The following CD36 variants were observed in gnomAD, a reference collection of about 807,000 sequenced individuals.
The protein encoded by CD36 is platelet glycoprotein 4.
Under a neutral mutation model 55.2 loss-of-function variants are expected in CD36, and 119 were observed. That is an observed-to-expected ratio of 2.15 (90% CI 1.86 to 2.51). The LOEUF (loss-of-function observed/expected upper bound fraction) is 2.51. CD36 is among the 30% of genes most tolerant of loss of function. CD36 has a pLI of 0.00. For synonymous variants in CD36, 186 were observed against 193.6 expected (o/e 0.96, Z 0.33); for missense variants, 819 against 555.5 (o/e 1.47, Z -4.77).
chr7:80,663,231 G>T, intron 6 of CD36, 62 bp downstream of exon 6: 1 of 1,351,766 alleles, frequency 7.4e-7, no homozygotes, highest in South Asian at 1.2e-5. Flanking sequence ...CAATGGCATT[G>T]GCAAGGCATA....
chr7:80,676,429 T>C lies in CD36; in HGVS notation c.*46T>C, dbSNP rs1178321654. 6.6e-6 allele frequency: 1 copy of C among 152,176 alleles called. No homozygotes were observed. The highest frequency in any genetic ancestry group is 1.5e-5 in the Non-Finnish European group (1 of 68,028). The allele number at this position is 152,176 out of a possible 1,614,324, so 9.4% of individuals were successfully genotyped here. A position where few individuals can be genotyped will look rare whatever the true frequency, so the allele number is the denominator to read the frequency against. On this transcript the variant is annotated 3_prime_UTR_variant, in exon 15 of 15. Coordinates refer to ENST00000447544, the MANE Select transcript of CD36 (RefSeq NM_001001548.3). Reference sequence around the variant, plus strand: ...AATTTGTGTTGTTCTGATTCAATAATTGGTTTCTGGGTGGCCAATTCAGAA... The same window carrying C: ...AATTTGTGTTGTTCTGATTCAATAACTGGTTTCTGGGTGGCCAATTCAGAA...
intron 14 of CD36, 179 bp downstream of exon 14, chr7:80,674,326 A>ATATC (rs1160692817): frequency 1.9e-5 from 11 of 565,178 alleles, no homozygotes; most frequent in Non-Finnish European, 3.1e-5. Context: ...TCACTAAAGT[A>ATATC]TATCTTTAAT....
intron 1 of CD36, among the ~76,000 whole-genome samples, chr7:80,640,710 G>A (rs1263446833): frequency 6.6e-6 from 1 of 151,962 alleles, no homozygotes. Context: ...GAACTTAAGG[G>A]AATAATTTCA....
intron 1 of CD36, among the ~76,000 whole-genome samples, chr7:80,604,253 A>T (rs1792406913): frequency 6.6e-6 from 1 of 151,668 alleles, no homozygotes; most frequent in Admixed American, 6.6e-5. Flanking sequence ...TTGCAAACAG[A>T]TATAAGTGTG....
At chr7:80,656,851 T>C in intron 4 of CD36, 151 bp downstream of exon 4, 1 of 693,740 alleles carries the variant, frequency 1.4e-6, no homozygotes, top group South Asian at 1.9e-5. Context: ...CTGTATAGAA[T>C]CCTAATCTAA....
chr7:80,669,953 A>ATTTTT lies in CD36; in HGVS notation c.750_751insTTTTT (p.Ala251PhefsTer37), dbSNP rs1312129322. On this transcript the variant is annotated frameshift_variant and splice_region_variant, in exon 9 of 15. Transcript: ENST00000447544. LOFTEE classifies it high-confidence loss of function. ...CATTTGCCACTCGATTTTTAAACAGATGCAGCCTCATTTCCACCTTTTGTT... is the reference window on the plus strand; with the variant it reads ...CATTTGCCACTCGATTTTTAAACAGATTTTTTGCAGCCTCATTTCCACCTTTTGTT... The ATTTTT allele has an allele frequency of 6.2e-6, 10 of 1,610,000 alleles. No individual in the cohort carries two copies. The African/African-American group carries it at 1.2e-4, about 19-fold the overall frequency.
At chr7:80,649,903 C>T (rs1562794984) in intron 3 of CD36, among the ~76,000 whole-genome samples, 1 of 151,792 alleles carries the variant, frequency 6.6e-6, no homozygotes, top group African/African-American at 2.4e-5. Flanking sequence ...GAGGCCAGAA[C>T]TCAAGGAAAG....
chr7:80,647,072 C>A, intron 3 of CD36: 1 of 502,786 alleles, frequency 2.0e-6, no homozygotes. Context: ...CCATTGCTGT[C>A]TTAAATATAA....
intron 1 of CD36, among the ~76,000 whole-genome samples, chr7:80,605,961 C>T (rs981398233): frequency 8.6e-5 from 13 of 152,026 alleles, no homozygotes; most frequent in African/African-American, 1.7e-4. Flanking sequence ...AGCATCTTGC[C>T]GGCATATAAA....
At chr7:80,661,796 A>C (rs1796551541) in intron 5 of CD36, among the ~76,000 whole-genome samples, 1 of 152,220 alleles carries the variant, frequency 6.6e-6, no homozygotes, top group African/African-American at 2.4e-5. Context: ...AATTTAAGGG[A>C]AAATAAAGTC....
chr7:80,673,877 G>A (rs1170963707), intron 13 of CD36, 106 bp from the exon 14 acceptor site: 1 of 822,320 alleles, frequency 1.2e-6, no homozygotes, highest in Admixed American at 2.0e-5. Flanking sequence ...AGATACTGAT[G>A]ACTAACACCA....
At chr7:80,605,406 G>A (rs963390454) in intron 1 of CD36, among the ~76,000 whole-genome samples, 2 of 152,044 alleles carry the variant, frequency 1.3e-5, no homozygotes, top group Admixed American at 6.6e-5. Context: ...GTTAGTTAAT[G>A]GTGAAAGCAT....
chr7:80,610,137 A>T (rs1792795150), intron 1 of CD36, among the ~76,000 whole-genome samples: 3 of 152,238 alleles, frequency 2.0e-5, no homozygotes, highest in South Asian at 2.1e-4. Flanking sequence ...GACTAGATTT[A>T]TCACAGTAGT....
rs187500047 is a variant in CD36 at position 80,672,801 on chromosome 7, G to T, written c.1157G>T (p.Arg386Leu). 5 of 1,610,660 alleles carry T rather than the reference G, an allele frequency of 3.1e-6. No homozygotes were observed. Among genetic ancestry groups the T allele is most frequent in the Non-Finnish European group, 4.2e-6 (5 of 1,178,076 alleles). ...GGATTCACTTTACAATTTGCAAAACGGCTGCAGGTCAACCTATTGGTCAAG... is the reference window on the plus strand; with the variant it reads ...GGATTCACTTTACAATTTGCAAAACTGCTGCAGGTCAACCTATTGGTCAAG... ...ITGFTLQFAK[R>L]LQVNLLVKPS... The change falls in exon 12 of 15, where the codon CGG (arginine) becomes CTG (leucine). Residue 386 changes from arginine (R) to leucine (L), a missense_variant. Coordinates refer to ENST00000447544, the MANE Select transcript of CD36 (RefSeq NM_001001548.3).
chr7:80,654,736 C>T (rs3211854), intron 3 of CD36, among the ~76,000 whole-genome samples: 1,960 of 152,218 alleles, frequency 0.013, 45 homozygotes, highest in African/African-American at 0.045. Flanking sequence ...ATTACAGCAG[C>T]GTAGGATTTT....
In CD36 at chr7:80,676,829, C is replaced by T. The variant is rs1045645274; in HGVS notation, c.*446C>T. 5.9e-5 allele frequency: 9 copies of T among 151,528 alleles called. No individual in the cohort carries two copies. Among genetic ancestry groups the T allele is most frequent in the Non-Finnish European group, 8.8e-5 (6 of 67,930 alleles). 9.4% of individuals were successfully genotyped at this position (151,528 alleles called of 1,614,324 possible). The stretch of plus-strand genomic sequence containing the variant: ...TTGCTTTTTTTTTTTTACTCAGTTG[C>T]AACTTACGCTTGGCATCTTCAGAAT... On this transcript the variant is annotated 3_prime_UTR_variant, in exon 15 of 15. Coordinates refer to ENST00000447544, the MANE Select transcript of CD36 (RefSeq NM_001001548.3).
Position 80,671,988 on chromosome 7 carries a change from A to T in CD36, c.1073A>T (p.Asp358Val). The T allele has an allele frequency of 6.2e-7, 1 of 1,609,740 alleles. No homozygotes were observed. Among genetic ancestry groups the T allele is most frequent in the Non-Finnish European group, 8.5e-7 (1 of 1,176,630 alleles). Residue 358 changes from aspartate to valine, a missense_variant, in exon 11 of 15, where the codon GAT becomes GTT. By Grantham distance (152) the Asp-to-Val change is radical (BLOSUM62 -3). Coordinates refer to ENST00000447544, the MANE Select transcript of CD36 (RefSeq NM_001001548.3). ...AGTCCTGATGTTTCAGAACCTATTG[A>T]TGGATTAAACCCAAATGAAGAAGAA... The part of the protein sequence containing the change: ...YASPDVSEPI[D>V]GLNPNEEEHR...
At chr7:80,634,008 G>C (rs78207948), upstream of CD36, among the ~76,000 whole-genome samples, 1,248 of 152,098 alleles carry the variant, frequency 8.2e-3, 37 homozygotes, top group East Asian at 0.092. Flanking sequence ...CTTGTGCAAA[G>C]ATTTTGAGAA....
chr7:80,605,879 A>T (rs1321943488), intron 1 of CD36, among the ~76,000 whole-genome samples: 1 of 152,166 alleles, frequency 6.6e-6, no homozygotes, highest in Non-Finnish European at 1.5e-5. Context: ...GCAGAAAGGT[A>T]TGAGCTGTGA....
Sources: gnomAD v4.1 joint callset for allele counts (sites outside exome capture counted in the v4.1 genomes callset) on GRCh38, gnomAD v4.1.1 for gene constraint, MANE v1.5 for transcripts, NCBI Gene and HGNC (gene_info 2026-07-23, HGNC 2026-07-21) for gene names.